Variants in RNLS observed in about 807,000 individuals in gnomAD.
RNLS encodes the protein renalase, FAD dependent amine oxidase.
Under a neutral mutation model 39.8 loss-of-function variants are expected in RNLS, and 39 were observed. The ratio of observed to expected loss-of-function variants is 0.98; its 90% confidence interval spans 0.76 to 1.28. RNLS has a LOEUF of 1.28. Among genes scored for constraint, RNLS ranks in the 50% most tolerant of loss-of-function variants. The pLI, the probability that RNLS is intolerant of heterozygous loss-of-function variation, is 0.00. For synonymous variants in RNLS, 147 were observed against 150.7 expected (o/e 0.98, Z 0.18); for missense variants, 410 against 413.3 (o/e 0.99, Z 0.07).
chr10:88,403,512 ATT>A (rs1207245496), intron 4 of RNLS, among the ~76,000 whole-genome samples: 2 of 152,082 alleles, frequency 1.3e-5, no homozygotes, highest in African/African-American at 2.4e-5. Context: ...CCATCAAATA[ATT>A]TTGGGTCACA....
the RNLS span, among the ~76,000 whole-genome samples, chr10:88,177,768 T>C: frequency 1.3e-5 from 2 of 152,170 alleles, no homozygotes; most frequent in Non-Finnish European, 2.9e-5. Flanking sequence ...TGTTCTATAG[T>C]GTAGGTTGGG....
chr10:88,378,393 T>C (rs777182785), intron 4 of RNLS, among the ~76,000 whole-genome samples: 2 of 152,118 alleles, frequency 1.3e-5, no homozygotes, highest in Non-Finnish European at 2.9e-5. Flanking sequence ...AATCCCTTCT[T>C]CCCAAGGCAC....
chr10:88,241,164 T>C, the RNLS span, among the ~76,000 whole-genome samples: 1 of 151,660 alleles, frequency 6.6e-6, no homozygotes, highest in Non-Finnish European at 1.5e-5. Flanking sequence ...ATCAGGGTTA[T>C]AATAGCTTTA....
chr10:88,314,607 G>A lies in RNLS; in HGVS notation c.735C>T (p.His245=), dbSNP rs933983482. 3 of 1,613,392 alleles carry A rather than the reference G, an allele frequency of 1.9e-6. No homozygotes were observed. The highest frequency in any genetic ancestry group is 1.7e-5 in the Admixed American group (1 of 59,964). The change falls in exon 6 of 7, where the codon CAC becomes CAT. Residue 245 remains histidine (H), a synonymous_variant. Transcript: ENST00000331772. ...SSEIGPSLVI[H]TTVPFGVTYL... The stretch of plus-strand genomic sequence containing the variant: ...ATGTAACTCCAAATGGGACAGTGGT[G>A]TGAATCACGAGGGAAGGCCCAATTT...
intron 6 of RNLS, among the ~76,000 whole-genome samples, chr10:88,298,101 T>C (rs1844221001): frequency 1.3e-5 from 2 of 152,208 alleles, no homozygotes; most frequent in South Asian, 2.1e-4. Flanking sequence ...CATGTGCTTA[T>C]TGGCCATTTG....
rs35709088 is a variant in RNLS, at chr10:88,560,941, A to AACACAC, written c.526+11956_526+11961dup. ...TTATAGTTTGTAGATGTTCAGAGATAACACACACACACACACACACACACA... is the reference window on the plus strand; with the variant it reads ...TTATAGTTTGTAGATGTTCAGAGATAACACACACACACACACACACACACACACACA... On this transcript the variant is annotated intron_variant, in intron 4 of 6. Coordinates refer to ENST00000331772, the MANE Select transcript of RNLS (RefSeq NM_001031709.3). Among the ~76,000 whole-genome samples, 198 of 145,810 alleles carry AACACAC rather than the reference A, an allele frequency of 1.4e-3. 1 individual carries two copies. Among genetic ancestry groups the AACACAC allele is most frequent in the African/African-American group, 4.0e-3 (158 of 39,526 alleles).
the RNLS span, among the ~76,000 whole-genome samples, chr10:88,234,051 A>C: frequency 1.4e-5 from 2 of 147,902 alleles, no homozygotes; most frequent in Non-Finnish European, 3.0e-5. Flanking sequence ...CATCCCACAG[A>C]GGAAGTGGGC....
the RNLS span, among the ~76,000 whole-genome samples, chr10:88,209,768 A>G: frequency 1.3e-5 from 2 of 152,202 alleles, no homozygotes; most frequent in African/African-American, 4.8e-5. Flanking sequence ...AACTAAACTT[A>G]AATGTCACCA....
intron 4 of RNLS, among the ~76,000 whole-genome samples, chr10:88,465,730 C>T (rs1435831119): frequency 6.6e-6 from 1 of 151,998 alleles, no homozygotes; most frequent in Non-Finnish European, 1.5e-5. Flanking sequence ...AAAGTTAATG[C>T]CTGTCTTTAT....
chr10:88,254,533 T>G, the RNLS span, among the ~76,000 whole-genome samples: 2 of 152,202 alleles, frequency 1.3e-5, no homozygotes, highest in South Asian at 2.1e-4. Flanking sequence ...GTGACAGAAC[T>G]TCCCTGAGGC....
At chr10:88,320,779 C>T (rs1288806797) in intron 5 of RNLS, among the ~76,000 whole-genome samples, 5 of 148,874 alleles carry the variant, frequency 3.4e-5, no homozygotes, top group East Asian at 1.9e-4. Flanking sequence ...TACTCAACAT[C>T]GGAGCACCAA....
intron 4 of RNLS, among the ~76,000 whole-genome samples, chr10:88,373,327 C>G (rs1850715121): frequency 6.6e-6 from 1 of 152,086 alleles, no homozygotes; most frequent in Non-Finnish European, 1.5e-5. Context: ...GTGGTATAAG[C>G]TCTAGGACAC....
intron 4 of RNLS, among the ~76,000 whole-genome samples, chr10:88,378,429 C>G (rs1190625212): frequency 6.6e-6 from 1 of 152,064 alleles, no homozygotes; most frequent in Non-Finnish European, 1.5e-5. Flanking sequence ...ACCCTTTTCC[C>G]CAAAGCCAGC....
chr10:88,221,242 T>C, the RNLS span, among the ~76,000 whole-genome samples: 1 of 152,224 alleles, frequency 6.6e-6, no homozygotes, highest in African/African-American at 2.4e-5. Flanking sequence ...CCAAGCTTGC[T>C]GTTTAGAGAG....
intron 4 of RNLS, among the ~76,000 whole-genome samples, chr10:88,527,095 G>A (rs980668911): frequency 6.6e-6 from 1 of 152,126 alleles, no homozygotes; most frequent in South Asian, 2.1e-4. Flanking sequence ...ATTCTCTGAA[G>A]GTGCAGAATC....
chr10:88,564,046 T>C (rs1001403069), intron 4 of RNLS, among the ~76,000 whole-genome samples: 1 of 151,952 alleles, frequency 6.6e-6, no homozygotes, highest in Admixed American at 6.6e-5. Flanking sequence ...TCTATTGGCA[T>C]TGTAGATCTG....
chr10:88,422,261 T>C (rs1004682912), intron 4 of RNLS, among the ~76,000 whole-genome samples: 21 of 152,196 alleles, frequency 1.4e-4, no homozygotes, highest in African/African-American at 5.1e-4. Context: ...AACACTGCCT[T>C]ATTCAGTGCA....
At chr10:88,404,803 A>C (rs1369900652) in intron 4 of RNLS, among the ~76,000 whole-genome samples, 3 of 152,092 alleles carry the variant, frequency 2.0e-5, no homozygotes, top group Non-Finnish European at 4.4e-5. Context: ...TATTAAGTGA[A>C]ATACAGTGTA....
At chr10:88,519,670 G>A (rs1212817751) in intron 4 of RNLS, among the ~76,000 whole-genome samples, 1 of 145,850 alleles carries the variant, frequency 6.9e-6, no homozygotes, top group Non-Finnish European at 1.5e-5. Context: ...GTGTGCTCTT[G>A]AATAAGCACT....
Sources: gnomAD v4.1 joint callset for allele counts (sites outside exome capture counted in the v4.1 genomes callset) on GRCh38, gnomAD v4.1.1 for gene constraint, MANE v1.5 for transcripts, NCBI Gene and HGNC (gene_info 2026-07-23, HGNC 2026-07-21) for gene names.